Variants in RMP24 observed in about 807,000 individuals in gnomAD.
RMP24 encodes ribonuclease MRP subunit p24.
At chr18:35,978,515 GC>G in the RMP24 span, among the ~76,000 whole-genome samples, 1 of 152,212 alleles carries the variant, frequency 6.6e-6, no homozygotes, top group Admixed American at 6.5e-5. Context: ...GGAGGCTGAG[GC>G]GGGAGAACTG....
At chr18:35,978,500 A>G in the RMP24 span, among the ~76,000 whole-genome samples, 1 of 152,110 alleles carries the variant, frequency 6.6e-6, no homozygotes, top group South Asian at 2.1e-4. Context: ...AGTCCCAGCT[A>G]TTTGGGAGGC....
the RMP24 span, chr18:35,978,887 A>G: frequency 6.2e-7 from 1 of 1,613,126 alleles, no homozygotes; most frequent in East Asian, 2.2e-5. Context: ...GAACACCAGC[A>G]AAACAAAGAA....
At chr18:35,972,719 G>A in the RMP24 span, 3 of 1,602,670 alleles carry the variant, frequency 1.9e-6, no homozygotes, top group Admixed American at 3.4e-5. Context: ...CAGCGGCAGC[G>A]GCGGCGGCGA....
chr18:35,975,318 A>G, the RMP24 span, among the ~76,000 whole-genome samples: 27 of 152,302 alleles, frequency 1.8e-4, no homozygotes, highest in Admixed American at 9.8e-4. Flanking sequence ...TGAGCTCTCA[A>G]TTGTTTTGAG....
the RMP24 span, chr18:35,972,961 C>T: frequency 3.7e-6 from 6 of 1,607,610 alleles, no homozygotes; most frequent in South Asian, 4.4e-5. Flanking sequence ...CCGCTTTCCT[C>T]TGTTCCGCAC....
chr18:35,976,303 C>G, the RMP24 span, among the ~76,000 whole-genome samples: 1 of 151,970 alleles, frequency 6.6e-6, no homozygotes, highest in Non-Finnish European at 1.5e-5. Context: ...GTGCCCACCA[C>G]CACGCCCGGC....
the RMP24 span, among the ~76,000 whole-genome samples, chr18:35,974,158 T>A: frequency 6.6e-6 from 1 of 152,352 alleles, no homozygotes; most frequent in East Asian, 1.9e-4. Flanking sequence ...CATTTCCCTC[T>A]GGTCTCTATA....
chr18:35,973,499 A>G, the RMP24 span: 1 of 153,208 alleles, frequency 6.5e-6, no homozygotes, highest in African/African-American at 2.4e-5. Flanking sequence ...AGTTTTTCTC[A>G]TTTCAGTAAA....
chr18:35,972,735 C>T, the RMP24 span: 2 of 1,611,002 alleles, frequency 1.2e-6, no homozygotes, highest in Non-Finnish European at 1.7e-6. Flanking sequence ...GGCGATGAGA[C>T]AGAAGCACTA....
chr18:35,977,494 G>C, the RMP24 span: 24 of 1,614,122 alleles, frequency 1.5e-5, no homozygotes, highest in Non-Finnish European at 1.9e-5. Flanking sequence ...GAGCAATCCT[G>C]CCACTCCTAC....
the RMP24 span, chr18:35,977,702 C>A: frequency 7.9e-7 from 1 of 1,262,152 alleles, no homozygotes; most frequent in Non-Finnish European, 1.1e-6. Context: ...CATTTCAGGA[C>A]TTGGCCATTT....
chr18:35,973,521 T>G, the RMP24 span: 1 of 153,382 alleles, frequency 6.5e-6, no homozygotes, highest in Non-Finnish European at 1.5e-5. Context: ...AATTCCATTC[T>G]TCCCTTACAG....
the RMP24 span, chr18:35,977,459 G>T: frequency 6.2e-7 from 1 of 1,613,958 alleles, no homozygotes; most frequent in African/African-American, 1.3e-5. Flanking sequence ...CATGGTAAAA[G>T]TAGAAGCTTT....
chr18:35,973,109 T>G, the RMP24 span: 1 of 671,860 alleles, frequency 1.5e-6, no homozygotes, highest in Non-Finnish European at 2.6e-6. Flanking sequence ...TTTGACACAT[T>G]GATCAGTCTT....
the RMP24 span, chr18:35,973,353 CT>C: frequency 1.4e-5 from 3 of 212,806 alleles, no homozygotes; most frequent in Non-Finnish European, 2.9e-5. Context: ...AATGTATATA[CT>C]CAGCGCAGAC....
the RMP24 span, chr18:35,979,113 G>A: frequency 8.7e-7 from 1 of 1,153,604 alleles, no homozygotes; most frequent in Non-Finnish European, 1.2e-6. Context: ...AACTTTTCTT[G>A]GCATCCTTCA....
the RMP24 span, chr18:35,977,547 C>G: frequency 1.2e-6 from 2 of 1,614,040 alleles, no homozygotes; most frequent in East Asian, 2.2e-5. Context: ...GGACTGCAAA[C>G]CCAAATCATG....
the RMP24 span, among the ~76,000 whole-genome samples, chr18:35,978,108 C>A: frequency 5.9e-5 from 9 of 152,198 alleles, no homozygotes; most frequent in African/African-American, 2.2e-4. Context: ...TCCTTATGCA[C>A]CATTTGTCAG....
At chr18:35,976,288 TAC>T in the RMP24 span, among the ~76,000 whole-genome samples, 2 of 152,016 alleles carry the variant, frequency 1.3e-5, no homozygotes, top group Non-Finnish European at 2.9e-5. Flanking sequence ...TAGCTGGGAC[TAC>T]AGGTGCCCAC....
Sources: gnomAD v4.1 joint callset for allele counts (sites outside exome capture counted in the v4.1 genomes callset) on GRCh38, gnomAD v4.1.1 for gene constraint, MANE v1.5 for transcripts, NCBI Gene and HGNC (gene_info 2026-07-23, HGNC 2026-07-21) for gene names.